RAB8B: variants seen among roughly 807,000 people sequenced by gnomAD.
The protein encoded by RAB8B is RAB8B, member RAS oncogene family, also known as ras-related protein Rab-8B.
A neutral mutation model predicts 32.0 loss-of-function variants in RAB8B; 11 were observed. The ratio of observed to expected loss-of-function variants is 0.34; its 90% CI spans 0.22 to 0.57. The LOEUF (loss-of-function observed/expected upper bound fraction) is 0.57, where lower values mean the gene tolerates loss of function less well. Ranked by LOEUF, RAB8B falls within the 20% of genes least tolerant of loss-of-function variation. RAB8B has a pLI of 0.86. For missense variants in RAB8B, 190 were observed against 258.5 expected (o/e 0.73, Z 1.82); for synonymous variants, 103 against 89.6 (o/e 1.15, Z -0.85).
intron 3 of RAB8B, among the ~76,000 whole-genome samples, chr15:63,251,938 A>C (rs1326768452): frequency 1.3e-5 from 2 of 152,088 alleles, no homozygotes; most frequent in African/African-American, 4.8e-5. Context: ...GTTGACAAGC[A>C]CTATACTGGA....
chr15:63,230,905 C>A (rs1441639949), intron 1 of RAB8B, among the ~76,000 whole-genome samples: 2 of 152,076 alleles, frequency 1.3e-5, no homozygotes, highest in East Asian at 3.9e-4. Context: ...TGGGCTCTCA[C>A]TATGTTGCCC....
At chr15:63,202,490 A>G (rs900233449) in intron 1 of RAB8B, among the ~76,000 whole-genome samples, 1 of 152,122 alleles carries the variant, frequency 6.6e-6, no homozygotes, top group Non-Finnish European at 1.5e-5. Context: ...AAGCAATCAA[A>G]TATGTGTGCA....
chr15:63,197,651 G>A (rs184617258), intron 1 of RAB8B, among the ~76,000 whole-genome samples: 200 of 152,254 alleles, frequency 1.3e-3, no homozygotes, highest in Middle Eastern at 6.8e-3. Flanking sequence ...TAGCATTACA[G>A]TGAGCCACCA....
At chr15:63,245,960 C>T (rs1451837091) in intron 2 of RAB8B, among the ~76,000 whole-genome samples, 2 of 152,184 alleles carry the variant, frequency 1.3e-5, no homozygotes, top group Non-Finnish European at 2.9e-5. Context: ...GCAACCTCCA[C>T]CTCCCGGGTT....
chr15:63,205,682 T>G (rs1319880785), intron 1 of RAB8B, among the ~76,000 whole-genome samples: 1 of 152,194 alleles, frequency 6.6e-6, no homozygotes, highest in Non-Finnish European at 1.5e-5. Context: ...AGTGACACAT[T>G]TGATTTATAA....
intron 1 of RAB8B, among the ~76,000 whole-genome samples, chr15:63,195,534 T>C (rs1281326786): frequency 6.6e-6 from 1 of 152,210 alleles, no homozygotes. Flanking sequence ...TAGATATTGT[T>C]TTAGAGGTAA....
At chr15:63,225,669 T>C (rs2037882712) in intron 1 of RAB8B, among the ~76,000 whole-genome samples, 1 of 152,194 alleles carries the variant, frequency 6.6e-6, no homozygotes, top group Non-Finnish European at 1.5e-5. Flanking sequence ...TTTCACATTA[T>C]GAAATTTTAA....
At position 63,197,359 on chromosome 15, in the gene RAB8B, T is replaced by TTC. The variant is rs2037609962; in HGVS notation, c.124+7613_124+7614dup. 1.9e-4 allele frequency among the ~76,000 whole-genome samples: 27 copies of TTC among 143,872 alleles called. No homozygotes were observed. The South Asian group carries it at 5.7e-3, about 31-fold the overall frequency. The allele number at this position is 143,872 out of a possible 152,430, so 94.4% of individuals were successfully genotyped here. ...TTTCTTTTTTTTTTTCTTTCTTTCT[T>TTC]TCTTTCTTTTCTTTTTTTTTTTTTT... On this transcript the variant is annotated intron_variant, in intron 1 of 7. Transcript: ENST00000321437.
intron 1 of RAB8B, among the ~76,000 whole-genome samples, chr15:63,192,411 G>C (rs1194102413): frequency 2.6e-5 from 4 of 152,186 alleles, no homozygotes; most frequent in African/African-American, 9.7e-5. Context: ...TGAAGTTACT[G>C]AGGTGACAGC....
intron 1 of RAB8B, among the ~76,000 whole-genome samples, chr15:63,243,754 C>T (rs559666648): frequency 2.0e-5 from 3 of 151,864 alleles, no homozygotes; most frequent in Admixed American, 6.6e-5. Flanking sequence ...TCATCTTAGT[C>T]CATTTTCTGC....
intron 3 of RAB8B, among the ~76,000 whole-genome samples, chr15:63,250,509 TC>T (rs1348881266): frequency 6.6e-6 from 1 of 152,158 alleles, no homozygotes; most frequent in Non-Finnish European, 1.5e-5. Flanking sequence ...ATTTGCTGAA[TC>T]CAGGCATTTT....
At chr15:63,229,113 CT>C (rs1293872896) in intron 1 of RAB8B, among the ~76,000 whole-genome samples, 1 of 152,186 alleles carries the variant, frequency 6.6e-6, no homozygotes, top group Middle Eastern at 3.2e-3. Context: ...TCAAGGATCA[CT>C]TTTAATAGCT....
At chr15:63,255,623 C>T (rs2038152985) in intron 4 of RAB8B, 39 bp downstream of exon 4, 2 of 1,496,120 alleles carry the variant, frequency 1.3e-6, no homozygotes, top group South Asian at 1.1e-5. Context: ...GGAGAAGAGT[C>T]CTGCTGGGTG....
intron 3 of RAB8B, among the ~76,000 whole-genome samples, chr15:63,253,831 A>G (rs567107311): frequency 1.3e-5 from 2 of 152,306 alleles, no homozygotes; most frequent in South Asian, 2.1e-4. Flanking sequence ...CTGATTGGCT[A>G]TAGAGAAGAT....
chr15:63,256,241 G>A (rs2038157817), intron 4 of RAB8B, among the ~76,000 whole-genome samples: 1 of 152,102 alleles, frequency 6.6e-6, no homozygotes, highest in African/African-American at 2.4e-5. Context: ...TGGAAATTTT[G>A]TCATTAGATC....
intron 1 of RAB8B, among the ~76,000 whole-genome samples, chr15:63,234,896 G>A (rs2037965163): frequency 6.6e-6 from 1 of 152,130 alleles, no homozygotes; most frequent in African/African-American, 2.4e-5. Flanking sequence ...ACCCAAATGT[G>A]TATTCTTCAC....
chr15:63,244,181 T>C (rs1186052150), intron 1 of RAB8B, among the ~76,000 whole-genome samples: 2 of 152,262 alleles, frequency 1.3e-5, no homozygotes, highest in African/African-American at 4.8e-5. Context: ...CTGAAATCCA[T>C]TCTTCCTGTT....
At chr15:63,217,513 G>A (rs2037803596) in intron 1 of RAB8B, among the ~76,000 whole-genome samples, 1 of 152,162 alleles carries the variant, frequency 6.6e-6, no homozygotes, top group African/African-American at 2.4e-5. Context: ...CCTTGACCAA[G>A]TTTGGAGAGT....
At chr15:63,251,984 A>C (rs1302091544) in intron 3 of RAB8B, among the ~76,000 whole-genome samples, 1 of 152,074 alleles carries the variant, frequency 6.6e-6, no homozygotes, top group Non-Finnish European at 1.5e-5. Flanking sequence ...CATCAACAGC[A>C]TTCATAGGCA....
Sources: gnomAD v4.1 joint callset for allele counts (sites outside exome capture counted in the v4.1 genomes callset) on GRCh38, gnomAD v4.1.1 for gene constraint, MANE v1.5 for transcripts, NCBI Gene and HGNC (gene_info 2026-07-23, HGNC 2026-07-21) for gene names.